Variants in TMTC2 observed in about 807,000 individuals in gnomAD.
TMTC2 encodes transmembrane O-mannosyltransferase targeting cadherins 2.
Under a neutral mutation model 82.4 loss-of-function variants are expected in TMTC2, and 43 were observed. The observed-to-expected ratio is 0.52, with a 90% CI of 0.41 to 0.67. TMTC2 has a LOEUF of 0.67. TMTC2 is among the 30% of genes least tolerant of loss of function. The pLI, the probability that TMTC2 is intolerant of heterozygous loss-of-function variation, is 0.00. For synonymous variants in TMTC2, 408 were observed against 381.9 expected (o/e 1.07, Z -0.80); for missense variants, 919 against 1,012.4 (o/e 0.91, Z 1.25).
At chr12:83,005,139 G>T (rs1880122110) in intron 8 of TMTC2, among the ~76,000 whole-genome samples, 1 of 150,662 alleles carries the variant, frequency 6.6e-6, no homozygotes, top group Non-Finnish European at 1.5e-5. Context: ...GGGAGGCGGA[G>T]GTTGTAGTGA....
At chr12:82,811,155 G>A (rs566482828) in intron 1 of TMTC2, among the ~76,000 whole-genome samples, 32 of 152,220 alleles carry the variant, frequency 2.1e-4, no homozygotes, top group African/African-American at 7.7e-4. Flanking sequence ...GAACCCGGGA[G>A]GCAGAGGTTG....
intron 11 of TMTC2, among the ~76,000 whole-genome samples, chr12:83,118,069 A>G (rs891026057): frequency 1.3e-5 from 2 of 152,260 alleles, no homozygotes; most frequent in Middle Eastern, 3.4e-3. Flanking sequence ...AGCTTTCCAG[A>G]GGAGTCTTTA....
chr12:82,795,867 C>T (rs147681925), intron 1 of TMTC2, among the ~76,000 whole-genome samples: 3,671 of 152,246 alleles, frequency 0.024, 82 homozygotes, highest in Non-Finnish European at 0.036. Flanking sequence ...GTTATCCAGT[C>T]AGTCTCCAGT....
intron 1 of TMTC2, among the ~76,000 whole-genome samples, chr12:82,752,922 C>G (rs1322542650): frequency 1.3e-5 from 2 of 152,104 alleles, no homozygotes; most frequent in Admixed American, 1.3e-4. Flanking sequence ...TCAGGTGTCA[C>G]TGTCTTGCTT....
At chr12:82,887,448 T>A (rs892305277) in intron 2 of TMTC2, among the ~76,000 whole-genome samples, 3 of 152,194 alleles carry the variant, frequency 2.0e-5, no homozygotes, top group African/African-American at 7.2e-5. Flanking sequence ...CACTAACTAA[T>A]ATGGCAGAGT....
Position 82,965,061 on chromosome 12 carries a change from G to A in TMTC2, c.1636G>A (p.Ala546Thr). 1 of 1,612,550 alleles carries A rather than the reference G, an allele frequency of 6.2e-7. No homozygotes were observed. Among genetic ancestry groups the A allele is most frequent in the Non-Finnish European group, 8.5e-7 (1 of 1,179,020 alleles). The change falls in exon 5 of 12, where the codon GCA becomes ACA. Residue 546 changes from alanine to threonine, a missense_variant. By Grantham distance (58) the Ala-to-Thr change is moderately conservative. Coordinates refer to ENST00000321196, the MANE Select transcript of TMTC2 (RefSeq NM_152588.3). ...LLQENSRFAE[A>T]LHYYKLAIGS... ...CCAGGAGAACAGCAGGTTTGCAGAAGCACTACATTATTATAAATTGGCCAT... is the reference window on the plus strand; with the variant it reads ...CCAGGAGAACAGCAGGTTTGCAGAAACACTACATTATTATAAATTGGCCAT...
At chr12:83,045,756 G>GGCTCACACACACACACACAC (rs1353696232) in intron 9 of TMTC2, among the ~76,000 whole-genome samples, 1 of 58,964 alleles carries the variant, frequency 1.7e-5, no homozygotes, top group African/African-American at 8.9e-5. Context: ...CACACACCAG[G>GGCTCACACACACACACACAC]AGTGTCTGGC....
chr12:82,988,935 A>C (rs894925327), intron 8 of TMTC2, among the ~76,000 whole-genome samples: 1 of 149,966 alleles, frequency 6.7e-6, no homozygotes, highest in South Asian at 2.2e-4. Context: ...ATGGGTAACC[A>C]AGGATCATCA....
At chr12:82,833,981 C>G (rs1177389166) in intron 1 of TMTC2, among the ~76,000 whole-genome samples, 1 of 152,092 alleles carries the variant, frequency 6.6e-6, no homozygotes, top group African/African-American at 2.4e-5. Flanking sequence ...AACTTGTGGA[C>G]TTTGGTAATT....
intron 1 of TMTC2, among the ~76,000 whole-genome samples, chr12:82,719,465 A>T (rs2136924470): frequency 6.6e-6 from 1 of 152,302 alleles, no homozygotes; most frequent in South Asian, 2.1e-4. Context: ...AAAATCAGTA[A>T]AATATTCACT....
chr12:83,044,296 C>T (rs1260039879), intron 9 of TMTC2, among the ~76,000 whole-genome samples: 1 of 151,944 alleles, frequency 6.6e-6, no homozygotes, highest in Non-Finnish European at 1.5e-5. Context: ...GAGAGAAGAC[C>T]ACTGGGATAT....
At chr12:82,933,069 T>C (rs1375201613) in intron 4 of TMTC2, among the ~76,000 whole-genome samples, 2 of 152,188 alleles carry the variant, frequency 1.3e-5, no homozygotes, top group African/African-American at 4.8e-5. Flanking sequence ...CCGTAATTGT[T>C]GGAAATAGGT....
At chr12:82,903,504 C>T (rs1036392319) in intron 3 of TMTC2, among the ~76,000 whole-genome samples, 5 of 152,170 alleles carry the variant, frequency 3.3e-5, no homozygotes, top group Non-Finnish European at 5.9e-5. Context: ...CGCCGCCTCC[C>T]AGGTTCACGC....
At chr12:83,090,249 C>T (rs1883798797) in intron 11 of TMTC2, among the ~76,000 whole-genome samples, 1 of 152,088 alleles carries the variant, frequency 6.6e-6, no homozygotes, top group Admixed American at 6.5e-5. Flanking sequence ...AATCCATGTG[C>T]TGAGTGAAGG....
intron 11 of TMTC2, among the ~76,000 whole-genome samples, chr12:83,112,147 T>A (rs954332741): frequency 6.6e-6 from 1 of 152,190 alleles, no homozygotes; most frequent in Non-Finnish European, 1.5e-5. Flanking sequence ...AAAATTTTCA[T>A]CTTACTTGAT....
chr12:82,917,832 G>C (rs1875102840), intron 3 of TMTC2, among the ~76,000 whole-genome samples: 1 of 151,586 alleles, frequency 6.6e-6, no homozygotes, highest in Non-Finnish European at 1.5e-5. Context: ...TTGATCTCCT[G>C]ACCTCGTGAT....
chr12:82,871,889 G>T (rs1480039342), intron 2 of TMTC2, among the ~76,000 whole-genome samples: 1 of 151,840 alleles, frequency 6.6e-6, no homozygotes, highest in African/African-American at 2.4e-5. Flanking sequence ...GGGTAAAGTA[G>T]TGAAGAAAAT....
intron 3 of TMTC2, among the ~76,000 whole-genome samples, chr12:82,908,976 T>G (rs1342143881): frequency 6.6e-6 from 1 of 152,230 alleles, no homozygotes; most frequent in Non-Finnish European, 1.5e-5. Context: ...GTTTTAAAAG[T>G]GTTTTTGCTT....
intron 8 of TMTC2, among the ~76,000 whole-genome samples, chr12:83,029,906 T>C (rs1881357524): frequency 6.6e-6 from 1 of 152,198 alleles, no homozygotes; most frequent in South Asian, 2.1e-4. Context: ...CGTATGATGG[T>C]AATATTTACT....
Sources: allele counts gnomAD v4.1 joint callset (sites outside exome capture counted in the v4.1 genomes callset), GRCh38; gene constraint gnomAD v4.1.1; transcripts MANE v1.5; gene names NCBI Gene and HGNC (gene_info 2026-07-23, HGNC 2026-07-21).